AGBL4: variants seen among roughly 807,000 people sequenced by gnomAD.
AGBL4 encodes the protein AGBL carboxypeptidase 4, also known as cytosolic carboxypeptidase 6.
AGBL4 carries 58 observed loss-of-function variants against 66.4 expected under a neutral mutation model. The ratio of observed to expected loss-of-function variants is 0.87; its 90% CI spans 0.71 to 1.09. The LOEUF is 1.09. Ranked by LOEUF, AGBL4 falls within the 50% of genes least tolerant of loss-of-function variation. AGBL4 has a pLI of 0.00. For synonymous variants in AGBL4, 234 were observed against 222.9 expected (o/e 1.05, Z -0.44); for missense variants, 579 against 631.0 (o/e 0.92, Z 0.88).
At chr1:48,727,942 T>G in intron 6 of AGBL4, 1 of 1,611,904 alleles carries the variant, frequency 6.2e-7, no homozygotes, top group Non-Finnish European at 8.5e-7. Flanking sequence ...GATTTATTGA[T>G]ATCCATGATT....
chr1:49,201,335 C>T (rs539652764), intron 4 of AGBL4, among the ~76,000 whole-genome samples: 35 of 152,186 alleles, frequency 2.3e-4, no homozygotes, highest in Non-Finnish European at 4.6e-4. Flanking sequence ...GAGCACCTTA[C>T]GTATTAGTCT....
At chr1:49,400,975 G>A (rs1645072922) in intron 3 of AGBL4, among the ~76,000 whole-genome samples, 1 of 152,150 alleles carries the variant, frequency 6.6e-6, no homozygotes, top group African/African-American at 2.4e-5. Context: ...CTATGTTGAT[G>A]TATGTTCCTT....
intron 3 of AGBL4, among the ~76,000 whole-genome samples, chr1:49,662,541 C>T (rs770265329): frequency 4.7e-4 from 72 of 152,142 alleles, no homozygotes; most frequent in Non-Finnish European, 8.1e-4. Context: ...GGCCAACATG[C>T]TGTGCCACCT....
intron 1 of AGBL4, among the ~76,000 whole-genome samples, chr1:49,967,010 G>A (rs917621019): frequency 1.3e-5 from 2 of 152,096 alleles, no homozygotes; most frequent in Non-Finnish European, 2.9e-5. Flanking sequence ...AATCCTTGGG[G>A]TATATACCCA....
chr1:48,668,596 C>A (rs900018939), intron 6 of AGBL4, among the ~76,000 whole-genome samples: 1 of 152,126 alleles, frequency 6.6e-6, no homozygotes, highest in African/African-American at 2.4e-5. Context: ...TGCCAGCCCC[C>A]ATCTTGGCCG....
intron 2 of AGBL4, among the ~76,000 whole-genome samples, chr1:49,753,735 A>G (rs1651660575): frequency 6.6e-6 from 1 of 152,030 alleles, no homozygotes; most frequent in African/African-American, 2.4e-5. Flanking sequence ...CTTTTCACAT[A>G]GTTCCATATT....
At chr1:49,939,303 AT>A (rs1217924622) in intron 1 of AGBL4, among the ~76,000 whole-genome samples, 2 of 151,504 alleles carry the variant, frequency 1.3e-5, no homozygotes, top group East Asian at 1.9e-4. Flanking sequence ...ATTCAATGCC[AT>A]CCCCATCAAG....
intron 8 of AGBL4, among the ~76,000 whole-genome samples, chr1:48,652,219 C>T (rs189827989): frequency 3.7e-4 from 56 of 152,232 alleles, no homozygotes; most frequent in African/African-American, 1.3e-3. Flanking sequence ...TAAACAAATA[C>T]ACAAACAAAT....
intron 5 of AGBL4, among the ~76,000 whole-genome samples, chr1:48,952,531 G>A (rs1435928570): frequency 6.6e-6 from 1 of 152,218 alleles, no homozygotes; most frequent in Non-Finnish European, 1.5e-5. Context: ...AGATTCAAAA[G>A]CAAGAGACTA....
At chr1:49,638,271 TA>T (rs1371839870) in intron 3 of AGBL4, among the ~76,000 whole-genome samples, 1 of 152,182 alleles carries the variant, frequency 6.6e-6, no homozygotes, top group Non-Finnish European at 1.5e-5. Context: ...AACACTAAAA[TA>T]ATATATATTT....
intron 5 of AGBL4, among the ~76,000 whole-genome samples, chr1:48,969,747 C>T (rs1658756597): frequency 6.6e-6 from 1 of 152,090 alleles, no homozygotes; most frequent in Non-Finnish European, 1.5e-5. Context: ...ACTAGACAAG[C>T]AGTCTCCTTC....
In AGBL4 at chr1:49,768,872, T is replaced by C. The variant is rs1449923397; in HGVS notation, c.158-71435A>G. 2.0e-5 allele frequency among the ~76,000 whole-genome samples: 3 copies of C among 151,784 alleles called. No individual in the cohort carries two copies. In the South Asian group the frequency reaches 6.2e-4, roughly 32 times the overall value. On this transcript the variant is annotated intron_variant, in intron 2 of 13. Transcript: ENST00000371839. ...AATCAGGACTTTTTTTTTTTTGAGA[T>C]GGAGTCTCACTCTGTCGCCAGGCTG...
At chr1:48,553,342 A>G (rs149577700) in intron 11 of AGBL4, among the ~76,000 whole-genome samples, 107 of 152,284 alleles carry the variant, frequency 7.0e-4, no homozygotes, top group African/African-American at 2.4e-3. Flanking sequence ...AGAAGCTTCA[A>G]CTGGATGCAC....
intron 3 of AGBL4, among the ~76,000 whole-genome samples, chr1:49,426,390 C>A (rs6689020): frequency 1.3e-5 from 2 of 152,140 alleles, no homozygotes; most frequent in African/African-American, 2.4e-5. Context: ...GCAATTGGAG[C>A]TTTATTCTGG....
In AGBL4 at chr1:49,257,664, C is replaced by T. The variant is rs189635692; in HGVS notation, c.283-11800G>A. Among the ~76,000 whole-genome samples the T allele has an allele frequency of 5.3e-5, 8 of 152,292 alleles. 1 individual carries two copies. In the Middle Eastern group the frequency reaches 0.01, roughly 196 times the overall value. On this transcript the variant is annotated intron_variant, in intron 3 of 13. Transcript: ENST00000371839. ...GCGCTGCTTTGGCTCATGCACGGTG[C>T]GCTGCACCCACTGTCCTGCGCCCAC...
At chr1:49,658,504 C>G (rs1558140603) in intron 3 of AGBL4, among the ~76,000 whole-genome samples, 1 of 152,168 alleles carries the variant, frequency 6.6e-6, no homozygotes, top group Non-Finnish European at 1.5e-5. Context: ...CATCCCATTA[C>G]TGGGTATATA....
intron 4 of AGBL4, among the ~76,000 whole-genome samples, chr1:49,190,169 A>T (rs1647089013): frequency 6.6e-6 from 1 of 152,220 alleles, no homozygotes; most frequent in Non-Finnish European, 1.5e-5. Context: ...TCCTCTAGAC[A>T]ACATGGCTAA....
chr1:49,094,225 C>T (rs1373427347), intron 4 of AGBL4, among the ~76,000 whole-genome samples: 1 of 152,038 alleles, frequency 6.6e-6, no homozygotes, highest in East Asian at 1.9e-4. Flanking sequence ...ACCCCCCACT[C>T]CCCTACCCCC....
At chr1:49,095,551 G>T (rs1372658782) in intron 4 of AGBL4, among the ~76,000 whole-genome samples, 1 of 151,962 alleles carries the variant, frequency 6.6e-6, no homozygotes, top group Non-Finnish European at 1.5e-5. Context: ...TACAACTATC[G>T]GATCTTTGAC....
Sources: allele counts gnomAD v4.1 joint callset (sites outside exome capture counted in the v4.1 genomes callset), GRCh38; gene constraint gnomAD v4.1.1; transcripts MANE v1.5; gene names NCBI Gene and HGNC (gene_info 2026-07-23, HGNC 2026-07-21).